Variants in ATXN7 observed in about 807,000 individuals in gnomAD.
ATXN7 encodes ataxin-7.
A neutral mutation model predicts 70.5 loss-of-function variants in ATXN7; 12 were observed. The ratio of observed to expected loss-of-function variants is 0.17; its 90% CI spans 0.11 to 0.28. The LOEUF is 0.28. Ranked by LOEUF, ATXN7 falls within the 10% of genes least tolerant of loss-of-function variation. ATXN7 has a pLI of 1.00. For synonymous variants in ATXN7, 498 were observed against 448.7 expected (o/e 1.11, Z -1.39); for missense variants, 1,256 against 1,131.7 (o/e 1.11, Z -1.58).
At chr3:63,978,547 A>C (rs1047274704) in intron 5 of ATXN7, among the ~76,000 whole-genome samples, 2 of 152,266 alleles carry the variant, frequency 1.3e-5, no homozygotes, top group Non-Finnish European at 2.9e-5. Flanking sequence ...CCAAATTTGG[A>C]AAACTGCCGA....
At chr3:63,897,995 T>G (rs704361) in intron 1 of ATXN7, among the ~76,000 whole-genome samples, 121,266 of 152,130 alleles carry the variant, frequency 0.8, 49,333 homozygotes, top group South Asian at 0.89. Context: ...GAACGACAGC[T>G]TGAGCTCTCC....
intron 4 of ATXN7, 142 bp downstream of exon 4, chr3:63,913,367 G>A (rs770601347): frequency 1.2e-4 from 111 of 894,364 alleles, no homozygotes; most frequent in Non-Finnish European, 1.8e-4. Flanking sequence ...GAGGGAGGGA[G>A]GGGGCAGAGC....
At chr3:63,957,701 T>C (rs556267505) in intron 5 of ATXN7, among the ~76,000 whole-genome samples, 194 of 152,332 alleles carry the variant, frequency 1.3e-3, no homozygotes, top group African/African-American at 4.5e-3. Context: ...CACACAGTAG[T>C]GTGATATTAT....
At chr3:63,944,349 C>A (rs1223071606) in intron 4 of ATXN7, among the ~76,000 whole-genome samples, 7 of 152,126 alleles carry the variant, frequency 4.6e-5, no homozygotes, top group Admixed American at 4.6e-4. Flanking sequence ...TAACAGTATG[C>A]CAGCATTTTT....
chr3:63,969,388 G>A (rs775547261), intron 5 of ATXN7, among the ~76,000 whole-genome samples: 7 of 152,140 alleles, frequency 4.6e-5, no homozygotes, highest in African/African-American at 9.7e-5. Context: ...TTGTCATTTC[G>A]TTGTACCTTG....
chr3:63,992,274 T>G (rs2075684705), intron 11 of ATXN7, among the ~76,000 whole-genome samples: 1 of 152,222 alleles, frequency 6.6e-6, no homozygotes, highest in Non-Finnish European at 1.5e-5. Context: ...GTTACTCTGC[T>G]TTTCTTTTTC....
At position 63,912,635 on chromosome 3, in the gene ATXN7, C is replaced by T. The variant is rs557445610; in HGVS notation, c.37C>T (p.Pro13Ser). The part of the protein sequence containing the change: ...ERAADDVRGE[P>S]RRAAAAAGGA... ...GGCCGCGGATGACGTCAGGGGGGAG[C>T]CGCGCCGCGCGGCGGCGGCGGCGGG... The change falls in exon 3 of 13, where the codon CCG becomes TCG. Residue 13 changes from proline to serine, a missense_variant. Pro to Ser is a moderately conservative substitution (Grantham distance 74, BLOSUM62 -1). Transcript: ENST00000674280. 1.6e-4 allele frequency: 170 copies of T among 1,052,932 alleles called. 1 individual carries two copies. Among genetic ancestry groups the T allele is most frequent in the Non-Finnish European group, 8.0e-5 (69 of 865,950 alleles). 65.2% of individuals were successfully genotyped at this position (1,052,932 alleles called of 1,614,324 possible).
chr3:63,914,592 G>T (rs557899051), intron 4 of ATXN7, among the ~76,000 whole-genome samples: 4 of 152,318 alleles, frequency 2.6e-5, no homozygotes, highest in African/African-American at 9.6e-5. Flanking sequence ...AGCAGTTAGA[G>T]TAGAACTTTA....
chr3:63,904,797 A>C (rs1434485807), intron 2 of ATXN7: 3 of 152,116 alleles, frequency 2.0e-5, no homozygotes, highest in African/African-American at 7.2e-5. Flanking sequence ...TTAACCTTTT[A>C]AGTAACTACC....
chr3:63,951,780 AC>A (rs1241858572), intron 4 of ATXN7, among the ~76,000 whole-genome samples: 7 of 152,392 alleles, frequency 4.6e-5, no homozygotes, highest in African/African-American at 1.7e-4. Context: ...TATTTTGGTA[AC>A]CAAACTGATT....
At chr3:63,864,325 T>G (rs1702335196) in intron 1 of ATXN7, among the ~76,000 whole-genome samples, 167 bp downstream of exon 1, 1 of 147,178 alleles carries the variant, frequency 6.8e-6, no homozygotes, top group African/African-American at 2.5e-5. Flanking sequence ...GTGGGGAGGG[T>G]GACGGGGACG....
At chr3:63,984,984 A>G (rs911820580) in intron 8 of ATXN7, among the ~76,000 whole-genome samples, 4 of 152,218 alleles carry the variant, frequency 2.6e-5, no homozygotes, top group African/African-American at 9.6e-5. Flanking sequence ...AGGGCTGAAT[A>G]GTATTCCAGT....
At chr3:63,874,051 T>G (rs1702674549) in intron 1 of ATXN7, among the ~76,000 whole-genome samples, 1 of 152,226 alleles carries the variant, frequency 6.6e-6, no homozygotes, top group Non-Finnish European at 1.5e-5. Context: ...GGCTCTACAC[T>G]GTCTATTTCC....
At chr3:63,963,074 C>T (rs2075158853) in intron 5 of ATXN7, among the ~76,000 whole-genome samples, 1 of 151,934 alleles carries the variant, frequency 6.6e-6, no homozygotes, top group Non-Finnish European at 1.5e-5. Context: ...CGCCACCACA[C>T]CTAGCTAATT....
intron 2 of ATXN7, among the ~76,000 whole-genome samples, chr3:63,907,067 A>G (rs1703862151): frequency 1.3e-5 from 2 of 152,258 alleles, no homozygotes; most frequent in Admixed American, 6.5e-5. Flanking sequence ...TGTGACAAGC[A>G]TGGTGCTAAT....
At chr3:63,969,695 A>G (rs924966291) in intron 5 of ATXN7, among the ~76,000 whole-genome samples, 1 of 152,212 alleles carries the variant, frequency 6.6e-6, no homozygotes, top group Non-Finnish European at 1.5e-5. Flanking sequence ...AATTGAGACT[A>G]TAGAGATACT....
intron 4 of ATXN7, among the ~76,000 whole-genome samples, chr3:63,914,471 G>A (rs1243169485): frequency 6.6e-6 from 1 of 152,104 alleles, no homozygotes; most frequent in African/African-American, 2.4e-5. Context: ...CACAGGACTT[G>A]TTGATGATGT....
intron 5 of ATXN7, among the ~76,000 whole-genome samples, chr3:63,976,680 T>C (rs2075393715): frequency 6.6e-6 from 1 of 152,028 alleles, no homozygotes; most frequent in Admixed American, 6.6e-5. Flanking sequence ...GAATGGAAAA[T>C]TGAAAGGACA....
intron 1 of ATXN7, among the ~76,000 whole-genome samples, chr3:63,890,120 A>G (rs1262565979): frequency 6.6e-6 from 1 of 152,168 alleles, no homozygotes; most frequent in East Asian, 1.9e-4. Flanking sequence ...CATTAATGAT[A>G]CTCATTAAGT....
Sources: allele counts gnomAD v4.1 joint callset (sites outside exome capture counted in the v4.1 genomes callset), GRCh38; gene constraint gnomAD v4.1.1; transcripts MANE v1.5; gene names NCBI Gene and HGNC (gene_info 2026-07-23, HGNC 2026-07-21).